TTC34: variants seen among roughly 807,000 people sequenced by gnomAD.
TTC34 encodes the protein tetratricopeptide repeat domain 34, also known as tetratricopeptide repeat protein 34.
Under a neutral mutation model 40.7 loss-of-function variants are expected in TTC34, and 44 were observed. The ratio of observed to expected loss-of-function variants is 1.08; its 90% CI spans 0.85 to 1.39. TTC34 has a LOEUF of 1.39. TTC34 is among the 40% of genes most tolerant of loss of function. The pLI is 0.00. For missense variants in TTC34, 884 were observed against 838.0 expected (o/e 1.05, Z -0.68); for synonymous variants, 422 against 398.6 (o/e 1.06, Z -0.70).
chr1:2,794,756 C>T (rs1033910230), intron 2 of TTC34, among the ~76,000 whole-genome samples: 20 of 152,032 alleles, frequency 1.3e-4, no homozygotes, highest in Non-Finnish European at 2.6e-4. Flanking sequence ...TTATCTTTTT[C>T]AATTAAGTAA....
At chr1:2,790,235 G>C (rs1209454308) in exon 3 of TTC34, 1 of 398,316 alleles carries the variant, frequency 2.5e-6, no homozygotes. Context: ...CCGCGCCCCA[G>C]AGGGGCTCTC....
intron 6 of TTC34, among the ~76,000 whole-genome samples, chr1:2,748,983 C>A (rs1641231905): frequency 4.0e-5 from 5 of 124,468 alleles, no homozygotes; most frequent in Admixed American, 8.7e-5. Flanking sequence ...CATCTGACGG[C>A]CTGGAACAGC....
intron 6 of TTC34, among the ~76,000 whole-genome samples, chr1:2,687,485 C>A (rs1228249784): frequency 7.6e-6 from 1 of 131,132 alleles, no homozygotes; most frequent in Non-Finnish European, 1.6e-5. Flanking sequence ...AGCACCCACA[C>A]ACTCAGGCGA....
chr1:2,654,635 C>A (rs1260080202), intron 6 of TTC34, among the ~76,000 whole-genome samples: 1 of 152,204 alleles, frequency 6.6e-6, no homozygotes, highest in Non-Finnish European at 1.5e-5. Context: ...ATCCGACAGC[C>A]TGGAGCAGCA....
chr1:2,753,073 C>G (rs1268950404), intron 6 of TTC34, among the ~76,000 whole-genome samples: 1 of 149,208 alleles, frequency 6.7e-6, no homozygotes, highest in Non-Finnish European at 1.5e-5. Flanking sequence ...GAGCATCTGA[C>G]AGCCTGGAAC....
intron 2 of TTC34, among the ~76,000 whole-genome samples, chr1:2,798,730 T>TCAGCCCCCCAGCCTCC (rs1643738351): frequency 1.6e-4 from 1 of 6,220 alleles, no homozygotes; most frequent in Non-Finnish European, 3.0e-4. Context: ...TCTCAGCCCC[T>TCAGCCCCCCAGCCTCC]CAGCCCCCCA....
intron 2 of TTC34, among the ~76,000 whole-genome samples, chr1:2,792,678 T>G (rs1643675744): frequency 6.6e-6 from 1 of 152,236 alleles, no homozygotes; most frequent in African/African-American, 2.4e-5. Flanking sequence ...TATGTGCAGT[T>G]CTGTAGGCTG....
At chr1:2,687,281 A>T (rs1197510893) in intron 6 of TTC34, among the ~76,000 whole-genome samples, 1 of 117,600 alleles carries the variant, frequency 8.5e-6, no homozygotes, top group African/African-American at 4.1e-5. Context: ...AGCAGCACCC[A>T]CAACCACAGG....
chr1:2,656,056 C>T (rs1639332275), intron 6 of TTC34, among the ~76,000 whole-genome samples: 3 of 152,244 alleles, frequency 2.0e-5, no homozygotes, highest in Admixed American at 2.0e-4. Context: ...CACCCACACC[C>T]CCAGGTGCGC....
rs1373606039 is a variant in TTC34, at chr1:2,683,760, G to A, written c.2227-38197C>T. Among the ~76,000 whole-genome samples the A allele has an allele frequency of 4.7e-5, 7 of 150,304 alleles. No individual in the cohort carries two copies. In the South Asian group the frequency reaches 1.0e-3, roughly 23 times the overall value. On this transcript the variant is annotated intron_variant, in intron 6 of 8. Coordinates refer to ENST00000401095, the Ensembl canonical transcript of TTC34. ...CCTGGAACAGCACCCACACCCCCAG[G>A]TGAGCATCTGACAGGCTGGAGCAGC...
At chr1:2,654,049 C>A (rs1387317399) in intron 6 of TTC34, among the ~76,000 whole-genome samples, 2 of 151,860 alleles carry the variant, frequency 1.3e-5, no homozygotes, top group Non-Finnish European at 1.5e-5. Context: ...AGTGCCCACA[C>A]CACCAGGTGA....
intron 6 of TTC34, among the ~76,000 whole-genome samples, chr1:2,686,627 T>G (rs539046621): frequency 0.012 from 360 of 30,572 alleles, no homozygotes; most frequent in African/African-American, 0.023. Flanking sequence ...TGACAGCATG[T>G]AACAGCACCC....
chr1:2,791,348 ATCCCAGACCTCTGAAC>A (rs1335430398), intron 2 of TTC34, among the ~76,000 whole-genome samples: 1 of 152,184 alleles, frequency 6.6e-6, no homozygotes, highest in Non-Finnish European at 1.5e-5. Context: ...CTGAGGGTCC[ATCCCAGACCTCTGAAC>A]CTCTGCTTCA....
intron 6 of TTC34, among the ~76,000 whole-genome samples, chr1:2,764,381 C>T (rs1395458676): frequency 1.4e-5 from 2 of 145,430 alleles, no homozygotes; most frequent in Non-Finnish European, 1.5e-5. Context: ...AGTGCCCACA[C>T]CCCCGGGCGA....
chr1:2,750,191 TCGGC>T (rs1641268992), intron 6 of TTC34, among the ~76,000 whole-genome samples: 1 of 142,042 alleles, frequency 7.0e-6, no homozygotes, highest in Non-Finnish European at 1.5e-5. Context: ...ACAGCCTGGG[TCGGC>T]ACCCACACCC....
intron 6 of TTC34, among the ~76,000 whole-genome samples, chr1:2,655,516 C>A (rs1326176318): frequency 4.8e-5 from 7 of 146,150 alleles, no homozygotes; most frequent in African/African-American, 1.8e-4. Flanking sequence ...ATCTGACAGG[C>A]TGGAGCAGCA....
exon 9 of TTC34, chr1:2,641,810 C>A: frequency 6.5e-7 from 1 of 1,534,786 alleles, no homozygotes; most frequent in South Asian, 1.2e-5. Context: ...ACTGCTGCCA[C>A]TGGCCAGGAC....
chr1:2,748,793 A>G (rs1641227120), intron 6 of TTC34, among the ~76,000 whole-genome samples: 1 of 146,738 alleles, frequency 6.8e-6, no homozygotes. Flanking sequence ...CTGGAGCGGA[A>G]CCCACACCCA....
At chr1:2,684,235 GC>G (rs1378657031) in intron 6 of TTC34, among the ~76,000 whole-genome samples, 12 of 68,906 alleles carry the variant, frequency 1.7e-4, no homozygotes, top group African/African-American at 8.7e-4. Flanking sequence ...AGCACGCACA[GC>G]CCCAGGAGAG....
Sources: allele counts gnomAD v4.1 joint callset (sites outside exome capture counted in the v4.1 genomes callset), GRCh38; gene constraint gnomAD v4.1.1; transcripts MANE v1.5; gene names NCBI Gene and HGNC (gene_info 2026-07-23, HGNC 2026-07-21).